Variants in USP5 observed in about 807,000 individuals in gnomAD.
The protein encoded by USP5 is ubiquitin specific peptidase 5.
A neutral mutation model predicts 102.5 loss-of-function variants in USP5; 24 were observed. The ratio of observed to expected loss-of-function variants is 0.23; its 90% CI spans 0.17 to 0.33. USP5 has a LOEUF of 0.33. Ranked by LOEUF, USP5 falls within the 10% of genes least tolerant of loss-of-function variation. The probability of loss-of-function intolerance (pLI) is 1.00; values close to 1 mark genes in which losing one functional copy is unlikely to be tolerated. For missense variants in USP5, 753 were observed against 1,122.1 expected, an observed-to-expected ratio of 0.67 and a Z score of 4.70; for synonymous variants, 460 against 434.8, an observed-to-expected ratio of 1.06 and a Z score of -0.72.
At position 6,858,312 on chromosome 12, in the gene USP5, T is replaced by C. The variant is rs1451584173; in HGVS notation, c.865-112T>C. The C allele has an allele frequency of 8.6e-6, 10 of 1,157,196 alleles. No homozygotes were observed. In the East Asian group the frequency reaches 1.5e-4, roughly 17 times the overall value. The allele number at this position is 1,157,196 out of a possible 1,614,324, so 71.7% of individuals were successfully genotyped here. On this transcript the variant is annotated intron_variant, in intron 7 of 19. Transcript: ENST00000229268. This position sits in a 1 kb window ranked among gnomAD's most constrained non-coding sequence, Gnocchi z 4.2. The stretch of plus-strand genomic sequence containing the variant: ...ATACCTCCCATGTTTGAGCCTGTAA[T>C]TCCACAAATTCTAGGCCACAGTTGA...
At chr12:6,862,996 C>T (rs562379237) in intron 14 of USP5, 190 bp from the exon 15 acceptor site, 3 of 577,758 alleles carry the variant, frequency 5.2e-6, no homozygotes, top group African/African-American at 1.9e-5. Flanking sequence ...GATCTAGGAC[C>T]AGCATCCTGG....
Position 6,859,523 on chromosome 12 carries a change from A to G in USP5, c.1112A>G (p.Gln371Arg). ...CAGAATGCCCCGACGGACCCTACCC[A>G]GGATTTCAGCACCCAGGTGTATGTA... is the stretch of plus-strand genomic sequence containing the variant. ...IFQNAPTDPT[Q>R]DFSTQVAKLG... Residue 371 changes from glutamine to arginine, a missense_variant, in exon 9 of 20, where the codon CAG becomes CGG. Gln to Arg is a conservative substitution (Grantham distance 43). Around this residue, in one of 3 missense-constraint regions of USP5, gnomAD observed 527 missense variants for 816.5 expected, o/e 0.65. Coordinates refer to ENST00000229268, the MANE Select transcript of USP5 (RefSeq NM_001098536.2). 3.7e-6 allele frequency: 6 copies of G among 1,614,172 alleles called. No homozygotes were observed. The South Asian group carries it at 6.6e-5, about 18-fold the overall frequency.
rs1397670971 is a variant in USP5 at position 6,864,456 on chromosome 12, G to A, written c.2244+261G>A. On this transcript the variant is annotated intron_variant, in intron 17 of 19. Transcript: ENST00000229268. This position sits in a 1 kb window ranked among gnomAD's most constrained non-coding sequence, Gnocchi z 4.8. ...TGTAATCCCAGCACTTTGGGAGGGT[G>A]AGGTGGGCGGATCACGCGGTCAGCA... Among the ~76,000 whole-genome samples the A allele has an allele frequency of 6.6e-6, 1 of 152,222 alleles. No individual in the cohort carries two copies. Among genetic ancestry groups the A allele is most frequent in the Non-Finnish European group, 1.5e-5 (1 of 68,040 alleles).
Position 6,864,611 on chromosome 12 carries a change from C to T in USP5, c.2245-111C>T. 3 of 1,255,922 alleles carry T rather than the reference C, an allele frequency of 2.4e-6. No individual in the cohort carries two copies. Among genetic ancestry groups the T allele is most frequent in the Non-Finnish European group, 3.3e-6 (3 of 907,552 alleles). 77.8% of individuals were successfully genotyped at this position (1,255,922 alleles called of 1,614,324 possible). The stretch of plus-strand genomic sequence containing the variant: ...GGCTGAGGCAGGAGAAAGGCGTGAA[C>T]CCGGGAGGCGGAGCTTGCAGTGAGC... On this transcript the variant is annotated intron_variant, in intron 17 of 19. Transcript: ENST00000229268. This position sits in a 1 kb window ranked among gnomAD's most constrained non-coding sequence, Gnocchi z 4.8.
At chr12:6,859,410 T>A in intron 8 of USP5, 60 bp from the exon 9 acceptor site, 1 of 1,552,900 alleles carries the variant, frequency 6.4e-7, no homozygotes, top group Admixed American at 1.7e-5. Context: ...GTTTGCTTCC[T>A]TCCCTTTTCC....
chr12:6,865,790 C>A (rs1944427772), intron 19 of USP5, among the ~76,000 whole-genome samples, 194 bp from the exon 20 acceptor site: 1 of 152,188 alleles, frequency 6.6e-6, no homozygotes. Flanking sequence ...ACTGGAGGAT[C>A]TGAAGACATA....
chr12:6,853,110 C>G (rs1591602869), intron 1 of USP5, among the ~76,000 whole-genome samples: 1 of 152,212 alleles, frequency 6.6e-6, no homozygotes, highest in African/African-American at 2.4e-5. Flanking sequence ...TCCTGCAGTT[C>G]TGCCTTCCCT....
In USP5 at chr12:6,866,076, A is replaced by G. The variant is rs1944437278; in HGVS notation, c.2576A>G (p.Ter859=). Residue 859 remains the stop codon, a stop_retained_variant, in exon 20 of 20, where the codon TAA becomes TGA. Transcript: ENST00000229268. This position sits in a 1 kb window ranked among gnomAD's most constrained non-coding sequence, Gnocchi z 4.7. ...YIYFYQRVAS[*] ...TACTTCTACCAGAGAGTGGCCAGCT[A>G]AGAGCCTGCCTCACCCCTTACCAAT... 6.2e-7 allele frequency: 1 copy of G among 1,613,880 alleles called. No homozygotes were observed. The highest frequency in any genetic ancestry group is 8.5e-7 in the Non-Finnish European group (1 of 1,179,906).
In USP5 at chr12:6,864,845, G is replaced by T; in HGVS notation, c.2368G>T (p.Val790Leu). Reference sequence around the variant, plus strand: ...CGACTCCATCTCTGAGTCTGTGCCAGTGGGACCTAAAGTCCGGGATGGTCC... The same window carrying T: ...CGACTCCATCTCTGAGTCTGTGCCATTGGGACCTAAAGTCCGGGATGGTCC... ...AADSISESVPVGPKVRDGPGK... is the reference protein window; with the variant it reads ...AADSISESVPLGPKVRDGPGK... Residue 790 changes from valine to leucine, a missense_variant, in exon 18 of 20, where the codon GTG becomes TTG. Physicochemically the swap from Val to Leu is conservative, Grantham distance 32 (BLOSUM62 1). Transcript: ENST00000229268. This position sits in a 1 kb window ranked among gnomAD's most constrained non-coding sequence, Gnocchi z 4.8. 1.1e-5 allele frequency: 18 copies of T among 1,613,916 alleles called. No homozygotes were observed. The highest frequency in any genetic ancestry group is 1.5e-5 in the Non-Finnish European group (18 of 1,180,024).
At position 6,863,498 on chromosome 12, in the gene USP5, C is replaced by T. The variant is rs1944336127; in HGVS notation, c.1954+121C>T. 1.6e-6 allele frequency: 2 copies of T among 1,266,714 alleles called. No individual in the cohort carries two copies. Among genetic ancestry groups the T allele is most frequent in the Admixed American group, 2.3e-5 (1 of 42,726 alleles). 78.5% of individuals were successfully genotyped at this position (1,266,714 alleles called of 1,614,324 possible). ...CTCCCTTTCAAATTTCCTCTGCCCTCTTTGATTGACATGGGGCCTCCCCAG... is the reference window on the plus strand; with the variant it reads ...CTCCCTTTCAAATTTCCTCTGCCCTTTTTGATTGACATGGGGCCTCCCCAG... On this transcript the variant is annotated intron_variant, in intron 15 of 19. Coordinates refer to ENST00000229268, the MANE Select transcript of USP5 (RefSeq NM_001098536.2). The surrounding 1 kb of genome is among the most constrained non-coding windows in gnomAD (Gnocchi z 4.7).
chr12:6,852,955 C>T (rs1943982202), intron 1 of USP5, among the ~76,000 whole-genome samples: 1 of 150,482 alleles, frequency 6.6e-6, no homozygotes, highest in African/African-American at 2.5e-5. Context: ...GAGATAACCC[C>T]TTTTAAAGTA....
At position 6,857,078 on chromosome 12, in the gene USP5, G is replaced by A. The variant is rs782601425; in HGVS notation, c.769+187G>A. On this transcript the variant is annotated intron_variant, in intron 6 of 19. Coordinates refer to ENST00000229268, the MANE Select transcript of USP5 (RefSeq NM_001098536.2). ...AGGCAGGAGAATTGCTTGAGCCTAG[G>A]AGTTCGAGACCAGCCTGGGCAACAT... Among the ~76,000 whole-genome samples the A allele has an allele frequency of 2.8e-4, 43 of 152,174 alleles. No individual in the cohort carries two copies. In the East Asian group the frequency reaches 6.8e-3, roughly 24 times the overall value.
chr12:6,854,246 T>G (rs1393923589), intron 1 of USP5, among the ~76,000 whole-genome samples: 1 of 152,184 alleles, frequency 6.6e-6, no homozygotes, highest in East Asian at 1.9e-4. Flanking sequence ...TTGTTGGGAC[T>G]TCAGCAGGGA....
rs1944330218 is a variant in USP5, at chr12:6,863,327, G to T, written c.1904G>T (p.Gly635Val). ...CCCAAAGGTAGCCTTGGTTTCTATG[G>T]CAACGAAGACGAAGACTCCTTCTGC... ...DEPKGSLGFY[G>V]NEDEDSFCSP... The change falls in exon 15 of 20, where the codon GGC (glycine) becomes GTC (valine). Residue 635 changes from glycine (G) to valine (V), a missense_variant. This residue lies in a region of USP5 where 193 missense variants were observed against 230.2 expected (regional missense o/e 0.84). Coordinates refer to ENST00000229268, the MANE Select transcript of USP5 (RefSeq NM_001098536.2). The surrounding 1 kb of genome is among the most constrained non-coding windows in gnomAD (Gnocchi z 4.7). 6.2e-7 allele frequency: 1 copy of T among 1,614,074 alleles called. No homozygotes were observed. The highest frequency in any genetic ancestry group is 1.3e-5 in the African/African-American group (1 of 74,930).
intron 6 of USP5, chr12:6,857,428 C>T (rs369321287): frequency 1.0e-4 from 54 of 522,854 alleles, no homozygotes; most frequent in African/African-American, 5.4e-4. Context: ...AACCCTCACC[C>T]GGTTTCATCT....
rs906712425 is a variant in USP5, at chr12:6,861,690, C to T, written c.1673+73C>T. The T allele has an allele frequency of 7.3e-7, 1 of 1,378,990 alleles. No individual in the cohort carries two copies. The highest frequency in any genetic ancestry group is 1.5e-5 in the African/African-American group (1 of 68,428). 85.4% of individuals were successfully genotyped at this position (1,378,990 alleles called of 1,614,324 possible). On this transcript the variant is annotated intron_variant, in intron 13 of 19. Coordinates refer to ENST00000229268, the MANE Select transcript of USP5 (RefSeq NM_001098536.2). The surrounding 1 kb of genome is among the most constrained non-coding windows in gnomAD (Gnocchi z 4.9). ...ATCCCAGAGGATACTTCTGTCTCTT[C>T]CCTGTTCTTTCATCCCTTTGTGGTT... is the stretch of plus-strand genomic sequence containing the variant.
In USP5 at chr12:6,860,312, G is replaced by C; in HGVS notation, c.1219-54G>C. The C allele has an allele frequency of 6.2e-7, 1 of 1,613,248 alleles. No individual in the cohort carries two copies. The highest frequency in any genetic ancestry group is 1.7e-5 in the Admixed American group (1 of 59,994). ...TGAGGTCTGGGAGATGTCTAAAGAAGGCCCCTGGATGGCCACTGAGCCCCA... is the reference window on the plus strand; with the variant it reads ...TGAGGTCTGGGAGATGTCTAAAGAACGCCCCTGGATGGCCACTGAGCCCCA... On this transcript the variant is annotated intron_variant, in intron 10 of 19. Transcript: ENST00000229268. The surrounding 1 kb of genome is among the most constrained non-coding windows in gnomAD (Gnocchi z 5.5).
chr12:6,856,379 G>T lies in USP5; in HGVS notation c.513G>T (p.Gly171=), dbSNP rs558740385. ...SRKQEVQAWD[G]EVRQVSKHAF... is the part of the protein sequence containing the mutation. The stretch of plus-strand genomic sequence containing the variant: ...AGCAGGAGGTGCAGGCATGGGATGG[G>T]GAAGTACGGCAGGTGTCTAAGCATG... The change falls in exon 5 of 20, where the codon GGG becomes GGT. Residue 171 remains glycine (G), a synonymous_variant. Transcript: ENST00000229268. This position sits in a 1 kb window ranked among gnomAD's most constrained non-coding sequence, Gnocchi z 5.6. 3 of 1,614,036 alleles carry T rather than the reference G, an allele frequency of 1.9e-6. No individual in the cohort carries two copies. Among genetic ancestry groups the T allele is most frequent in the Non-Finnish European group, 2.5e-6 (3 of 1,180,008 alleles).
chr12:6,860,461 GTTC>G lies in USP5; in HGVS notation c.1318_1320del (p.Phe440del). ...CCAACCGGCAGCAGGATGCCCAGGA[GTTC>G]TTCCTTCACCTTATCAACATGGTGG... On this transcript the variant is annotated inframe_deletion, in exon 11 of 20. Coordinates refer to ENST00000229268, the MANE Select transcript of USP5 (RefSeq NM_001098536.2). The surrounding 1 kb of genome is among the most constrained non-coding windows in gnomAD (Gnocchi z 5.5). 6.2e-7 allele frequency: 1 copy of G among 1,614,104 alleles called. No individual in the cohort carries two copies. The highest frequency in any genetic ancestry group is 8.5e-7 in the Non-Finnish European group (1 of 1,180,040).
Sources: allele counts gnomAD v4.1 joint callset (sites outside exome capture counted in the v4.1 genomes callset), GRCh38; gene constraint gnomAD v4.1.1; regional missense constraint gnomAD v4.1.1; non-coding constraint Gnocchi (gnomAD v3.1); transcripts MANE v1.5; gene names NCBI Gene and HGNC (gene_info 2026-07-23, HGNC 2026-07-21).